ARHGEF26: variants seen among roughly 807,000 people sequenced by gnomAD.
ARHGEF26 encodes the protein Rho guanine nucleotide exchange factor 26.
ARHGEF26 carries 59 observed loss-of-function variants against 89.4 expected under a neutral mutation model. The ratio of observed to expected loss-of-function variants is 0.66; its 90% CI spans 0.54 to 0.82. The LOEUF is 0.82. Ranked by LOEUF, ARHGEF26 falls within the 40% of genes least tolerant of loss-of-function variation. The pLI is 0.00. For synonymous variants in ARHGEF26, 500 were observed against 428.4 expected (o/e 1.17, Z -2.06); for missense variants, 1,234 against 1,085.6 (o/e 1.14, Z -1.92).
At chr3:154,239,107 A>G (rs775658193) in intron 11 of ARHGEF26, among the ~76,000 whole-genome samples, 5 of 152,148 alleles carry the variant, frequency 3.3e-5, no homozygotes, top group Non-Finnish European at 7.3e-5. Flanking sequence ...AGGTATAACC[A>G]TGGATTTGTG....
At chr3:154,143,272 G>A (rs1719494790) in intron 4 of ARHGEF26, among the ~76,000 whole-genome samples, 1 of 152,040 alleles carries the variant, frequency 6.6e-6, no homozygotes, top group African/African-American at 2.4e-5. Context: ...ATATATAGAA[G>A]GATTGTCTTT....
Position 154,124,382 on chromosome 3 carries a change from TTTTTTTTTAC to T in ARHGEF26, c.1084-19_1084-10del. The T allele has an allele frequency of 7.2e-7, 1 of 1,393,588 alleles. No individual in the cohort carries two copies. The highest frequency in any genetic ancestry group is 1.4e-5 in the South Asian group (1 of 70,696). The allele number at this position is 1,393,588 out of a possible 1,614,324, so 86.3% of individuals were successfully genotyped here. A position where few individuals can be genotyped will look rare whatever the true frequency, so the allele number is the denominator to read the frequency against. Reference sequence around the variant, plus strand: ...CATAGTTTGCTTTTCCTTTTTTTTTTTTTTTTTTACTTTTTTTTGTCTCTTAGAAAAAAAT... The same window carrying T: ...CATAGTTTGCTTTTCCTTTTTTTTTTTTTTTTTTGTCTCTTAGAAAAAAAT... On this transcript the variant is annotated intron_variant, in intron 2 of 14. Coordinates refer to ENST00000465093, the MANE Select transcript of ARHGEF26 (RefSeq NM_015595.4).
At chr3:154,203,646 G>A (rs549465311) in intron 9 of ARHGEF26, among the ~76,000 whole-genome samples, 1 of 152,060 alleles carries the variant, frequency 6.6e-6, no homozygotes, top group Non-Finnish European at 1.5e-5. Context: ...TCATGTTGGG[G>A]TATGCTCCTT....
chr3:154,251,590 A>C (rs1718150324), intron 12 of ARHGEF26, among the ~76,000 whole-genome samples: 2 of 152,340 alleles, frequency 1.3e-5, no homozygotes, highest in South Asian at 4.1e-4. Context: ...AATTGTGCAG[A>C]GGGGTGCCCT....
intron 9 of ARHGEF26, among the ~76,000 whole-genome samples, chr3:154,207,486 A>G (rs1303104572): frequency 6.6e-6 from 1 of 152,220 alleles, no homozygotes; most frequent in Non-Finnish European, 1.5e-5. Context: ...GCAGCCAACA[A>G]ACATATAAAA....
intron 9 of ARHGEF26, among the ~76,000 whole-genome samples, chr3:154,199,905 T>G (rs1459969915): frequency 6.6e-6 from 1 of 152,160 alleles, no homozygotes; most frequent in Non-Finnish European, 1.5e-5. Flanking sequence ...GATTGGATTA[T>G]TAGATTTTTT....
At chr3:154,215,701 C>T (rs1465617750) in intron 9 of ARHGEF26, among the ~76,000 whole-genome samples, 2 of 152,038 alleles carry the variant, frequency 1.3e-5, no homozygotes, top group East Asian at 1.9e-4. Context: ...CCACCTTCTC[C>T]CTATGTCCTC....
chr3:154,222,836 A>G (rs766713313), intron 10 of ARHGEF26, among the ~76,000 whole-genome samples: 4 of 152,204 alleles, frequency 2.6e-5, no homozygotes, highest in African/African-American at 4.8e-5. Context: ...GAGGGAGAGA[A>G]TACTAATGAG....
chr3:154,198,676 A>T (rs2108204354), intron 9 of ARHGEF26, among the ~76,000 whole-genome samples: 1 of 152,154 alleles, frequency 6.6e-6, no homozygotes, highest in East Asian at 1.9e-4. Context: ...GAGCTAAGCT[A>T]TGAGGATGCA....
intron 11 of ARHGEF26, among the ~76,000 whole-genome samples, chr3:154,239,299 AGTGTGTGTGTGT>A (rs142191516): frequency 0.25 from 15,844 of 62,286 alleles, 1,526 homozygotes; most frequent in Admixed American, 0.27. Flanking sequence ...AGAGAGAGAG[AGTGTGTGTGTGT>A]GTGTGTGTGT....
chr3:154,170,465 A>G (rs542163009), intron 6 of ARHGEF26, among the ~76,000 whole-genome samples: 4 of 152,344 alleles, frequency 2.6e-5, no homozygotes, highest in South Asian at 4.1e-4. Flanking sequence ...ATAAAACATC[A>G]TAACAATTGA....
In ARHGEF26 at chr3:154,254,743, A is replaced by G; in HGVS notation, c.2392A>G (p.Arg798Gly). The change falls in exon 14 of 15, where the codon AGG becomes GGG. Residue 798 changes from arginine (R) to glycine (G), a missense_variant. Coordinates refer to ENST00000465093, the MANE Select transcript of ARHGEF26 (RefSeq NM_015595.4). ...RTSLTQVEIV[R>G]SFTAKQPDEL... ...AGCACTGACCCAGGTGGAAATCGTTAGGTCATTTACTGCTAAGCAGCCAGA... is the reference window on the plus strand; with the variant it reads ...AGCACTGACCCAGGTGGAAATCGTTGGGTCATTTACTGCTAAGCAGCCAGA... The G allele has an allele frequency of 6.2e-7, 1 of 1,613,882 alleles. No homozygotes were observed. The highest frequency in any genetic ancestry group is 8.5e-7 in the Non-Finnish European group (1 of 1,179,826).
chr3:154,178,733 T>C (rs1712988949), intron 6 of ARHGEF26, among the ~76,000 whole-genome samples: 1 of 152,186 alleles, frequency 6.6e-6, no homozygotes, highest in Non-Finnish European at 1.5e-5. Context: ...TTCCCTCGGG[T>C]ATATACTTAG....
chr3:154,214,735 G>A (rs929945981), intron 9 of ARHGEF26, among the ~76,000 whole-genome samples: 2 of 152,176 alleles, frequency 1.3e-5, no homozygotes, highest in Admixed American at 1.3e-4. Context: ...AATGTCCCAA[G>A]CAGCAGGAGC....
At chr3:154,238,619 C>G (rs1415484240) in intron 11 of ARHGEF26, among the ~76,000 whole-genome samples, 1 of 152,132 alleles carries the variant, frequency 6.6e-6, no homozygotes, top group African/African-American at 2.4e-5. Flanking sequence ...CTAAGCTCCC[C>G]TGACATCATT....
intron 11 of ARHGEF26, among the ~76,000 whole-genome samples, chr3:154,226,777 T>A (rs2108262694): frequency 6.6e-6 from 1 of 152,210 alleles, no homozygotes; most frequent in South Asian, 2.1e-4. Flanking sequence ...AAATATTCCG[T>A]CTTTCCTAGA....
At chr3:154,135,640 G>T (rs1468371060) in intron 4 of ARHGEF26, among the ~76,000 whole-genome samples, 1 of 152,190 alleles carries the variant, frequency 6.6e-6, no homozygotes, top group Non-Finnish European at 1.5e-5. Flanking sequence ...TAAGCCAGCA[G>T]TTCTTGGATC....
chr3:154,155,430 A>C (rs1720276861), intron 6 of ARHGEF26, among the ~76,000 whole-genome samples: 1 of 152,034 alleles, frequency 6.6e-6, no homozygotes, highest in South Asian at 2.1e-4. Flanking sequence ...TCTGCTTAAT[A>C]AGAAGGAGAG....
intron 4 of ARHGEF26, among the ~76,000 whole-genome samples, chr3:154,140,356 A>G (rs59506748): frequency 6.6e-5 from 10 of 152,306 alleles, no homozygotes; most frequent in African/African-American, 2.4e-4. Flanking sequence ...TGCGGCTGCT[A>G]GTTAAGGTCT....
Sources: allele counts gnomAD v4.1 joint callset (sites outside exome capture counted in the v4.1 genomes callset), GRCh38; gene constraint gnomAD v4.1.1; transcripts MANE v1.5; gene names NCBI Gene and HGNC (gene_info 2026-07-23, HGNC 2026-07-21).